Variants in PELI2 observed in about 807,000 individuals in gnomAD.
PELI2 encodes the protein E3 ubiquitin-protein ligase pellino homolog 2.
PELI2 carries 23 observed loss-of-function variants against 42.3 expected under a neutral mutation model. That is an observed-to-expected ratio of 0.54 (90% CI 0.39 to 0.77). The LOEUF (loss-of-function observed/expected upper bound fraction) is 0.77. Among genes scored for constraint, PELI2 ranks in the 30% least tolerant of loss-of-function variants. The pLI, the probability that PELI2 is intolerant of heterozygous loss-of-function variation, is 0.00. For synonymous variants in PELI2, 245 were observed against 212.2 expected, an observed-to-expected ratio of 1.15 and a Z score of -1.34; for missense variants, 463 against 553.2, an observed-to-expected ratio of 0.84 and a Z score of 1.64.
chr14:56,236,910 T>C (rs4143949), intron 2 of PELI2, among the ~76,000 whole-genome samples: 112,084 of 152,056 alleles, frequency 0.74, 41,972 homozygotes, highest in African/African-American at 0.87. Context: ...CTTTGTACTC[T>C]GGAGGTGTCA....
At chr14:56,192,223 C>G (rs188366627) in intron 2 of PELI2, among the ~76,000 whole-genome samples, 42 of 152,276 alleles carry the variant, frequency 2.8e-4, no homozygotes, top group Admixed American at 2.4e-3. Context: ...TTTTTAGCAC[C>G]AATTTACTGA....
intron 2 of PELI2, among the ~76,000 whole-genome samples, chr14:56,203,857 C>A (rs1370790057): frequency 6.6e-6 from 1 of 152,076 alleles, no homozygotes; most frequent in Middle Eastern, 3.2e-3. Flanking sequence ...AAATCGGTGA[C>A]TTTTCAGCTG....
intron 1 of PELI2, among the ~76,000 whole-genome samples, chr14:56,167,439 C>T (rs556402564): frequency 6.6e-6 from 1 of 152,082 alleles, no homozygotes; most frequent in East Asian, 1.9e-4. Context: ...CAGCTTGATC[C>T]ACACTGCTAT....
chr14:56,208,877 C>A (rs989786039), intron 2 of PELI2, among the ~76,000 whole-genome samples: 2 of 152,174 alleles, frequency 1.3e-5, no homozygotes, highest in African/African-American at 4.8e-5. Context: ...GGGTATTTGG[C>A]AACCATTTTC....
chr14:56,220,073 T>C (rs1004797107), intron 2 of PELI2, among the ~76,000 whole-genome samples: 4 of 152,220 alleles, frequency 2.6e-5, no homozygotes, highest in Admixed American at 2.6e-4. Flanking sequence ...GTGTCTTATC[T>C]ACAGGCTGCA....
intron 2 of PELI2, among the ~76,000 whole-genome samples, chr14:56,261,697 T>C (rs1888719953): frequency 6.6e-6 from 1 of 152,216 alleles, no homozygotes; most frequent in Non-Finnish European, 1.5e-5. Flanking sequence ...ATGGTGGTTG[T>C]GTGGATCAGA....
intron 2 of PELI2, among the ~76,000 whole-genome samples, chr14:56,237,927 T>A (rs1241641423): frequency 6.6e-6 from 1 of 152,108 alleles, no homozygotes; most frequent in Non-Finnish European, 1.5e-5. Flanking sequence ...TCATGCATAC[T>A]GTTTTAACTC....
intron 2 of PELI2, among the ~76,000 whole-genome samples, chr14:56,229,252 C>G (rs1194505368): frequency 6.6e-6 from 1 of 152,182 alleles, no homozygotes; most frequent in Non-Finnish European, 1.5e-5. Flanking sequence ...AGTGGTTCTC[C>G]CAGCACGGAG....
Position 56,262,770 on chromosome 14 carries a change from G to A in PELI2, c.208-16906G>A, listed in dbSNP as rs76680240. 2.8e-3 allele frequency among the ~76,000 whole-genome samples: 425 copies of A among 152,162 alleles called. 2 individuals are homozygous for A. Among genetic ancestry groups the A allele is most frequent in the African/African-American group, 9.6e-3 (398 of 41,482 alleles). The stretch of plus-strand genomic sequence containing the variant: ...CTCCCCTGGCACAGGATGTCCTAGT[G>A]CTGTTGCTGTCACTGCATTGATTCT... On this transcript the variant is annotated intron_variant, in intron 2 of 5. Transcript: ENST00000267460.
At chr14:56,251,286 G>A (rs1888334261) in intron 2 of PELI2, among the ~76,000 whole-genome samples, 1 of 152,214 alleles carries the variant, frequency 6.6e-6, no homozygotes, top group South Asian at 2.1e-4. Flanking sequence ...ATTCACAGAT[G>A]CAATTATCCT....
chr14:56,172,534 G>A (rs554564041), intron 1 of PELI2, among the ~76,000 whole-genome samples: 5 of 152,230 alleles, frequency 3.3e-5, no homozygotes, highest in African/African-American at 4.8e-5. Flanking sequence ...TAGGAGAGCG[G>A]CTGGGAGACT....
At position 56,214,988 on chromosome 14, in the gene PELI2, T is replaced by C. The variant is rs1220208375; in HGVS notation, c.207+36524T>C. Among the ~76,000 whole-genome samples, 5 of 152,212 alleles carry C rather than the reference T, an allele frequency of 3.3e-5. No homozygotes were observed. In the East Asian group the frequency reaches 9.7e-4, roughly 29 times the overall value. The stretch of plus-strand genomic sequence containing the variant: ...AGCCTTTTAAATTTTAATTTAGATA[T>C]TATGGGCATCTTAGCAAATTTCACT... On this transcript the variant is annotated intron_variant, in intron 2 of 5. Coordinates refer to ENST00000267460, the MANE Select transcript of PELI2 (RefSeq NM_021255.3).
At chr14:56,260,338 A>G (rs1888669216) in intron 2 of PELI2, among the ~76,000 whole-genome samples, 1 of 152,232 alleles carries the variant, frequency 6.6e-6, no homozygotes, top group South Asian at 2.1e-4. Flanking sequence ...ACATAATGAC[A>G]TAGATAAATC....
intron 1 of PELI2, among the ~76,000 whole-genome samples, chr14:56,153,996 C>T (rs893874040): frequency 9.2e-5 from 14 of 152,008 alleles, no homozygotes; most frequent in South Asian, 2.1e-4. Context: ...ATGAAGACAA[C>T]TTATTTAACA....
In PELI2 at chr14:56,279,046, C is replaced by G. The variant is rs111573013; in HGVS notation, c.208-630C>G. ...ATTTGAAAAAGAATATTAGCTTTTT[C>G]TGGCCTAAAATTTGAAAAAAATAAA... On this transcript the variant is annotated intron_variant, in intron 2 of 5. Coordinates refer to ENST00000267460, the MANE Select transcript of PELI2 (RefSeq NM_021255.3). Among the ~76,000 whole-genome samples, 25 of 152,112 alleles carry G rather than the reference C, an allele frequency of 1.6e-4. 3 individuals carry two copies. Among genetic ancestry groups the G allele is most frequent in the African/African-American group, 5.5e-4 (23 of 41,514 alleles).
At chr14:56,169,547 T>C (rs3907248) in intron 1 of PELI2, among the ~76,000 whole-genome samples, 83,832 of 151,996 alleles carry the variant, frequency 0.55, 24,011 homozygotes, top group Middle Eastern at 0.67. Context: ...ACTAGGCTTG[T>C]TGCTGCTGCG....
At chr14:56,286,466 A>G (rs1017991325) in intron 3 of PELI2, among the ~76,000 whole-genome samples, 10 of 152,186 alleles carry the variant, frequency 6.6e-5, no homozygotes, top group Non-Finnish European at 1.3e-4. Context: ...TTTCTTATAT[A>G]TATAAAATTT....
chr14:56,147,025 G>C (rs1884150062), intron 1 of PELI2, among the ~76,000 whole-genome samples: 1 of 152,104 alleles, frequency 6.6e-6, no homozygotes. Flanking sequence ...GCCTTTTCTA[G>C]AAATTTCATA....
intron 1 of PELI2, among the ~76,000 whole-genome samples, chr14:56,150,985 A>G (rs557065606): frequency 2.6e-5 from 4 of 152,320 alleles, no homozygotes; most frequent in African/African-American, 7.2e-5. Context: ...GAATGAAATG[A>G]TTTTGTCTTT....
Sources: allele counts gnomAD v4.1 joint callset (sites outside exome capture counted in the v4.1 genomes callset), GRCh38; gene constraint gnomAD v4.1.1; transcripts MANE v1.5; gene names NCBI Gene and HGNC (gene_info 2026-07-23, HGNC 2026-07-21).